Variants in CDK14 observed in about 807,000 individuals in gnomAD.
CDK14 encodes cyclin dependent kinase 14, also known as cyclin-dependent kinase 14.
Under a neutral mutation model 60.7 loss-of-function variants are expected in CDK14, and 34 were observed. That is an observed-to-expected ratio of 0.56 (90% CI 0.43 to 0.75). The LOEUF (loss-of-function observed/expected upper bound fraction) is 0.75, where lower values mean the gene tolerates loss of function less well. Ranked by LOEUF, CDK14 falls within the 30% of genes least tolerant of loss-of-function variation. The pLI is 0.00. For synonymous variants in CDK14, 197 were observed against 203.7 expected (o/e 0.97, Z 0.28); for missense variants, 482 against 564.1 (o/e 0.85, Z 1.47).
intron 5 of CDK14, among the ~76,000 whole-genome samples, chr7:90,847,985 A>G (rs1006980688): frequency 6.6e-6 from 1 of 152,142 alleles, no homozygotes; most frequent in African/African-American, 2.4e-5. Context: ...CAGTGTTATC[A>G]TTGGATTAAT....
At chr7:90,932,114 T>G (rs1328582981) in intron 8 of CDK14, among the ~76,000 whole-genome samples, 1 of 152,228 alleles carries the variant, frequency 6.6e-6, no homozygotes. Context: ...GTTGTCCACT[T>G]TTGCACATGT....
chr7:90,720,861 G>A (rs1802423528), intron 2 of CDK14, among the ~76,000 whole-genome samples: 1 of 151,908 alleles, frequency 6.6e-6, no homozygotes. Flanking sequence ...GAACAGCCAC[G>A]GTTACAGGAT....
chr7:90,842,614 C>T (rs991938074), intron 5 of CDK14, among the ~76,000 whole-genome samples: 6 of 152,190 alleles, frequency 3.9e-5, no homozygotes, highest in East Asian at 1.9e-4. Context: ...CATCTATGTG[C>T]GTCTGTGCGT....
In CDK14 at chr7:90,955,751, C is replaced by G; in HGVS notation, c.881C>G (p.Thr294Ser). Residue 294 changes from threonine to serine, a missense_variant, in exon 9 of 15, where the codon ACC (threonine) becomes AGC (serine). By Grantham distance (58) the Thr-to-Ser change is moderately conservative (BLOSUM62 1). Coordinates refer to ENST00000380050, the MANE Select transcript of CDK14 (RefSeq NM_001287135.2). ...PSHTYSNEVV[T>S]LWYRPPDVLL... is the part of the protein sequence containing the mutation. ...CACACATACTCCAACGAAGTGGTTA[C>G]CTTGTGGTACAGACCTCCAGATGTC... 6.2e-7 allele frequency: 1 copy of G among 1,613,500 alleles called. No individual in the cohort carries two copies. Among genetic ancestry groups the G allele is most frequent in the Non-Finnish European group, 8.5e-7 (1 of 1,179,510 alleles).
At chr7:90,766,304 C>T (rs1437774664) in intron 4 of CDK14, among the ~76,000 whole-genome samples, 1 of 151,998 alleles carries the variant, frequency 6.6e-6, no homozygotes, top group Admixed American at 6.6e-5. Flanking sequence ...CCTGTGAAAA[C>T]AGGGTTAATA....
chr7:90,789,294 G>A (rs913248564), intron 4 of CDK14, among the ~76,000 whole-genome samples: 3 of 152,060 alleles, frequency 2.0e-5, no homozygotes, highest in East Asian at 1.9e-4. Flanking sequence ...ATGTTGTTAA[G>A]TGTAAACAAT....
At chr7:90,607,059 C>A (rs1799432699) in intron 2 of CDK14, among the ~76,000 whole-genome samples, 1 of 152,144 alleles carries the variant, frequency 6.6e-6, no homozygotes, top group Admixed American at 6.6e-5. Flanking sequence ...GCACATCTTA[C>A]ACATGAGGTG....
At chr7:91,023,175 C>T (rs556116007) in intron 10 of CDK14, among the ~76,000 whole-genome samples, 7 of 152,250 alleles carry the variant, frequency 4.6e-5, no homozygotes, top group South Asian at 4.1e-4. Context: ...CTACCTTATT[C>T]CACAGTGGAA....
At chr7:91,186,390 G>A (rs1189723119) in intron 14 of CDK14, among the ~76,000 whole-genome samples, 1 of 148,884 alleles carries the variant, frequency 6.7e-6, no homozygotes, top group Non-Finnish European at 1.5e-5. Flanking sequence ...TAGACCTCTG[G>A]TCATTTCCAA....
In CDK14 at chr7:91,079,897, C is replaced by T. The variant is rs138498524; in HGVS notation, c.1154+417C>T. On this transcript the variant is annotated intron_variant, in intron 12 of 14. Transcript: ENST00000380050. ...TTTCACTTCGCATATTTTTCCCTTA[C>T]GCCTTATTGGGAAGCTAAATGCATT... Among the ~76,000 whole-genome samples, 1,276 of 152,308 alleles carry T rather than the reference C, an allele frequency of 8.4e-3. 56 individuals carry two copies. Among genetic ancestry groups the T allele is most frequent in the Admixed American group, 0.075 (1,146 of 15,290 alleles).
intron 10 of CDK14, among the ~76,000 whole-genome samples, chr7:90,994,263 T>C (rs2115709470): frequency 6.6e-6 from 1 of 152,320 alleles, no homozygotes; most frequent in African/African-American, 2.4e-5. Context: ...GTTTCTTTCT[T>C]CAGAGTCTTA....
At chr7:90,783,650 T>G (rs571222600) in intron 4 of CDK14, among the ~76,000 whole-genome samples, 1 of 152,142 alleles carries the variant, frequency 6.6e-6, no homozygotes, top group East Asian at 1.9e-4. Flanking sequence ...AGAAGAGATA[T>G]GCATGTTCAA....
At chr7:91,091,226 T>A (rs1212028212) in intron 12 of CDK14, among the ~76,000 whole-genome samples, 1 of 149,460 alleles carries the variant, frequency 6.7e-6, no homozygotes, top group Non-Finnish European at 1.5e-5. Context: ...CAAGACCCTA[T>A]CTGTAAAAAA....
intron 3 of CDK14, among the ~76,000 whole-genome samples, chr7:90,734,922 C>T (rs537671516): frequency 5.3e-5 from 8 of 152,038 alleles, no homozygotes; most frequent in Admixed American, 2.0e-4. Flanking sequence ...AGCCTTTTTG[C>T]GCTGGTTTCT....
At chr7:90,970,067 A>T (rs554289129) in intron 9 of CDK14, among the ~76,000 whole-genome samples, 2 of 151,824 alleles carry the variant, frequency 1.3e-5, no homozygotes, top group East Asian at 3.9e-4. Flanking sequence ...CCCAGGTTTA[A>T]GCGATCCTCT....
chr7:90,971,687 A>G (rs1166957723), intron 9 of CDK14, among the ~76,000 whole-genome samples: 2 of 151,654 alleles, frequency 1.3e-5, no homozygotes, highest in African/African-American at 2.4e-5. Context: ...AAGATTTCAG[A>G]TGATTCCTGG....
chr7:90,899,107 A>C (rs1792422639), intron 6 of CDK14, among the ~76,000 whole-genome samples, 184 bp from the exon 7 acceptor site: 5 of 151,916 alleles, frequency 3.3e-5, no homozygotes, highest in African/African-American at 1.2e-4. Context: ...AGGGAAAAAT[A>C]ATGATTCAAT....
intron 11 of CDK14, among the ~76,000 whole-genome samples, chr7:91,068,090 C>T (rs1268581242): frequency 6.6e-6 from 1 of 152,216 alleles, no homozygotes; most frequent in African/African-American, 2.4e-5. Flanking sequence ...AACTGTTCCT[C>T]CTGTTTCTCC....
At chr7:90,994,940 T>C (rs1176758393) in intron 10 of CDK14, among the ~76,000 whole-genome samples, 1 of 152,176 alleles carries the variant, frequency 6.6e-6, no homozygotes, top group East Asian at 1.9e-4. Context: ...AAACTTTCAT[T>C]TGCAGAATAC....
Sources: allele counts gnomAD v4.1 joint callset (sites outside exome capture counted in the v4.1 genomes callset), GRCh38; gene constraint gnomAD v4.1.1; transcripts MANE v1.5; gene names NCBI Gene and HGNC (gene_info 2026-07-23, HGNC 2026-07-21).